Variants in BPNT2 observed in about 807,000 individuals in gnomAD.
The protein encoded by BPNT2 is Golgi-resident adenosine 3',5'-bisphosphate 3'-phosphatase.
A neutral mutation model predicts 29.3 loss-of-function variants in BPNT2; 11 were observed. The ratio of observed to expected loss-of-function variants is 0.38; its 90% CI spans 0.24 to 0.62. The LOEUF (loss-of-function observed/expected upper bound fraction) is 0.62, where lower values mean the gene tolerates loss of function less well. BPNT2 is among the 20% of genes least tolerant of loss of function. The pLI is 0.62. For synonymous variants in BPNT2, 195 were observed against 187.7 expected, an observed-to-expected ratio of 1.04 and a Z score of -0.32; for missense variants, 459 against 473.4, an observed-to-expected ratio of 0.97 and a Z score of 0.28.
intron 1 of BPNT2, among the ~76,000 whole-genome samples, chr8:56,990,466 G>T (rs1806400415): frequency 6.6e-6 from 1 of 152,122 alleles, no homozygotes; most frequent in Non-Finnish European, 1.5e-5. Flanking sequence ...TTAGGAAGAG[G>T]AGACTAGCTG....
intron 1 of BPNT2, among the ~76,000 whole-genome samples, chr8:56,989,797 C>T (rs571386088): frequency 5.3e-5 from 8 of 152,334 alleles, no homozygotes; most frequent in African/African-American, 1.9e-4. Flanking sequence ...TATGACCTAG[C>T]CCCTACCTAC....
At chr8:56,975,163 AC>A in intron 3 of BPNT2, among the ~76,000 whole-genome samples, 1 of 152,266 alleles carries the variant, frequency 6.6e-6, no homozygotes, top group Non-Finnish European at 1.5e-5. Flanking sequence ...AGAACTGAGA[AC>A]CGTGGTAAAT....
chr8:56,991,120 G>C (rs759746379), intron 1 of BPNT2, among the ~76,000 whole-genome samples: 2 of 152,172 alleles, frequency 1.3e-5, no homozygotes, highest in Non-Finnish European at 2.9e-5. Flanking sequence ...TCTCCACTTA[G>C]TTGGCTACAA....
At chr8:56,969,261 T>C (rs2129203914) in intron 3 of BPNT2, among the ~76,000 whole-genome samples, 1 of 152,344 alleles carries the variant, frequency 6.6e-6, no homozygotes, top group South Asian at 2.1e-4. Context: ...ACTGTATAAC[T>C]AGCCAAGTAG....
At position 56,980,103 on chromosome 8, in the gene BPNT2, G is replaced by C; in HGVS notation, c.482C>G (p.Pro161Arg). ...AACACTTTCTGCTGGTACCTCTTTAGGAGTAGTTACTTCCTTTAGGATATC... is the reference window on the plus strand; with the variant it reads ...AACACTTTCTGCTGGTACCTCTTTACGAGTAGTTACTTCCTTTAGGATATC... ...PEDILKEVTT[P>R]KEVPAESVTV... The change falls in exon 2 of 5, where the codon CCT (proline) becomes CGT (arginine). Residue 161 changes from proline to arginine, a missense_variant. Coordinates refer to ENST00000262644, the MANE Select transcript of BPNT2 (RefSeq NM_017813.5). 1 of 1,613,684 alleles carries C rather than the reference G, an allele frequency of 6.2e-7. No individual in the cohort carries two copies. The highest frequency in any genetic ancestry group is 8.5e-7 in the Non-Finnish European group (1 of 1,179,726).
intron 4 of BPNT2, among the ~76,000 whole-genome samples, chr8:56,965,964 T>C (rs1585555520): frequency 6.6e-6 from 1 of 152,026 alleles, no homozygotes; most frequent in Non-Finnish European, 1.5e-5. Flanking sequence ...CTTTTGTGTA[T>C]TCAAGAAAGA....
chr8:56,958,412 G>T lies in BPNT2; in HGVS notation c.*5381C>A, dbSNP rs1306704082. 6.6e-6 allele frequency: 1 copy of T among 152,148 alleles called. No individual in the cohort carries two copies. Among genetic ancestry groups the T allele is most frequent in the Non-Finnish European group, 1.5e-5 (1 of 68,042 alleles). 9.4% of individuals were successfully genotyped at this position (152,148 alleles called of 1,614,324 possible). ...AGTTTACTTCCTTCCAGAGGGTGAAGTCGGGACCCATTTAAATTTGGTAGT... is the reference window on the plus strand; with the variant it reads ...AGTTTACTTCCTTCCAGAGGGTGAATTCGGGACCCATTTAAATTTGGTAGT... On this transcript the variant is annotated 3_prime_UTR_variant, in exon 5 of 5. Transcript: ENST00000262644.
At position 56,963,620 on chromosome 8, in the gene BPNT2, T is replaced by G; in HGVS notation, c.*173A>C. 1.5e-6 allele frequency: 1 copy of G among 647,370 alleles called. No individual in the cohort carries two copies. The highest frequency in any genetic ancestry group is 2.7e-6 in the Non-Finnish European group (1 of 375,346). The allele number at this position is 647,370 out of a possible 1,614,324, so 40.1% of individuals were successfully genotyped here. On this transcript the variant is annotated 3_prime_UTR_variant, in exon 5 of 5. Transcript: ENST00000262644. ...ACTTGAGACACAAAGCAACCCATTT[T>G]CCCTGATTTTGCATTCTATTACAGG...
In BPNT2 at chr8:56,983,890, C is replaced by G. The variant is rs113646076; in HGVS notation, c.388-3693G>C. ...ATACCATCATGGTGTGGTGACTTAC[C>G]TTACCAGATATCAAGACCAGAATAA... On this transcript the variant is annotated intron_variant, in intron 1 of 4. Coordinates refer to ENST00000262644, the MANE Select transcript of BPNT2 (RefSeq NM_017813.5). Among the ~76,000 whole-genome samples the G allele has an allele frequency of 2.8e-3, 432 of 152,120 alleles. 1 individual carries two copies. The highest frequency in any genetic ancestry group is 6.2e-3 in the Admixed American group (95 of 15,278).
rs1200278276 is a variant in BPNT2 at position 56,959,326 on chromosome 8, T to A, written c.*4467A>T. On this transcript the variant is annotated 3_prime_UTR_variant, in exon 5 of 5. Coordinates refer to ENST00000262644, the MANE Select transcript of BPNT2 (RefSeq NM_017813.5). ...TGCCAATGGTAAATTGGAATGCATA[T>A]ACTTGCCAGGCTTTGATGAAATAAA... 35 of 152,332 alleles carry A rather than the reference T, an allele frequency of 2.3e-4. No individual in the cohort carries two copies. In the East Asian group the frequency reaches 6.4e-3, roughly 28 times the overall value. 9.4% of individuals were successfully genotyped at this position (152,332 alleles called of 1,614,324 possible). A position where few individuals can be genotyped will look rare whatever the true frequency, so the allele number is the denominator to read the frequency against.
intron 1 of BPNT2, among the ~76,000 whole-genome samples, chr8:56,988,836 T>C (rs1174014151): frequency 6.6e-6 from 1 of 152,196 alleles, no homozygotes; most frequent in Admixed American, 6.5e-5. Flanking sequence ...ACCACTCCCC[T>C]TCACCAGCAA....
chr8:56,976,750 A>G (rs1806146854), intron 3 of BPNT2, among the ~76,000 whole-genome samples: 1 of 152,184 alleles, frequency 6.6e-6, no homozygotes, highest in Non-Finnish European at 1.5e-5. Context: ...CCCACTTCAC[A>G]GACAGCCTTT....
At position 56,960,243 on chromosome 8, in the gene BPNT2, C is replaced by T; in HGVS notation, c.*3550G>A. The T allele has an allele frequency of 6.6e-6, 1 of 152,178 alleles. No individual in the cohort carries two copies. The highest frequency in any genetic ancestry group is 6.5e-5 in the Admixed American group (1 of 15,286). 9.4% of individuals were successfully genotyped at this position (152,178 alleles called of 1,614,324 possible). A position where few individuals can be genotyped will look rare whatever the true frequency, so the allele number is the denominator to read the frequency against. ...ATGCTCAGCTATCAGAGATGGCTGT[C>T]ACCTTCAAAGCCTAAGTGAGATCCA... On this transcript the variant is annotated 3_prime_UTR_variant, in exon 5 of 5. Coordinates refer to ENST00000262644, the MANE Select transcript of BPNT2 (RefSeq NM_017813.5).
intron 4 of BPNT2, 94 bp downstream of exon 4, chr8:56,966,097 T>C (rs1805943844): frequency 1.4e-5 from 19 of 1,379,116 alleles, no homozygotes; most frequent in Non-Finnish European, 1.7e-5. Context: ...CTCCTCACTT[T>C]CCTCCCAAGC....
At position 56,962,038 on chromosome 8, in the gene BPNT2, A is replaced by T. The variant is rs759435619; in HGVS notation, c.*1755T>A. 1 of 152,194 alleles carries T rather than the reference A, an allele frequency of 6.6e-6. No individual in the cohort carries two copies. The highest frequency in any genetic ancestry group is 1.5e-5 in the Non-Finnish European group (1 of 68,042). 9.4% of individuals were successfully genotyped at this position (152,194 alleles called of 1,614,324 possible). A position where few individuals can be genotyped will look rare whatever the true frequency, so the allele number is the denominator to read the frequency against. Reference sequence around the variant, plus strand: ...ATACCTTTGCCATCTCTCCTGAAAAAGAAAGTTTCTTCAGCTTATTGCAAA... The same window carrying T: ...ATACCTTTGCCATCTCTCCTGAAAATGAAAGTTTCTTCAGCTTATTGCAAA... On this transcript the variant is annotated 3_prime_UTR_variant, in exon 5 of 5. Coordinates refer to ENST00000262644, the MANE Select transcript of BPNT2 (RefSeq NM_017813.5).
At chr8:56,985,491 C>A (rs1806313469) in intron 1 of BPNT2, among the ~76,000 whole-genome samples, 1 of 152,110 alleles carries the variant, frequency 6.6e-6, no homozygotes, top group South Asian at 2.1e-4. Context: ...CCAATCACTC[C>A]CAAAGAAGCC....
chr8:56,975,698 T>C (rs1323708661), intron 3 of BPNT2, among the ~76,000 whole-genome samples: 1 of 152,178 alleles, frequency 6.6e-6, no homozygotes. Flanking sequence ...CCTTGTCACA[T>C]AGTTACTGAA....
At chr8:56,977,028 T>C (rs1806152303) in intron 3 of BPNT2, among the ~76,000 whole-genome samples, 1 of 152,194 alleles carries the variant, frequency 6.6e-6, no homozygotes, top group South Asian at 2.1e-4. Flanking sequence ...TAAAATGTTG[T>C]ATAACATTAC....
chr8:56,982,725 G>A (rs544003231), intron 1 of BPNT2, among the ~76,000 whole-genome samples: 1 of 152,272 alleles, frequency 6.6e-6, no homozygotes, highest in South Asian at 2.1e-4. Context: ...GACTGTTAGA[G>A]AGTAGTGGAA....
Sources: allele counts gnomAD v4.1 joint callset (sites outside exome capture counted in the v4.1 genomes callset), GRCh38; gene constraint gnomAD v4.1.1; transcripts MANE v1.5; gene names NCBI Gene and HGNC (gene_info 2026-07-23, HGNC 2026-07-21).